TOM1L2: variants seen among roughly 807,000 people sequenced by gnomAD.
TOM1L2 encodes TOM1-like protein 2.
A neutral mutation model predicts 67.9 loss-of-function variants in TOM1L2; 31 were observed. That is an observed-to-expected ratio of 0.46 (90% confidence interval 0.34 to 0.62). TOM1L2 has a LOEUF of 0.62. Among genes scored for constraint, TOM1L2 ranks in the 20% least tolerant of loss-of-function variants. TOM1L2 has a pLI of 0.01. For synonymous variants in TOM1L2, 256 were observed against 254.0 expected (o/e 1.01, Z -0.07); for missense variants, 606 against 663.5 (o/e 0.91, Z 0.95).
At chr17:17,964,833 C>T (rs899332267) in intron 1 of TOM1L2, among the ~76,000 whole-genome samples, 12 of 152,196 alleles carry the variant, frequency 7.9e-5, no homozygotes, top group African/African-American at 1.2e-4. Context: ...CAGTGGCATT[C>T]CTCTAGAAAA....
intron 7 of TOM1L2, among the ~76,000 whole-genome samples, chr17:17,877,836 C>T (rs1265785745): frequency 1.3e-5 from 2 of 151,616 alleles, no homozygotes; most frequent in Non-Finnish European, 2.9e-5. Context: ...GAGCTGACGC[C>T]AGGAGATTAG....
intron 1 of TOM1L2, among the ~76,000 whole-genome samples, chr17:17,946,887 G>A (rs2040975074): frequency 1.3e-5 from 2 of 152,130 alleles, no homozygotes; most frequent in Non-Finnish European, 2.9e-5. Context: ...ACCACGCCTG[G>A]CTAATTTTTG....
intron 12 of TOM1L2, among the ~76,000 whole-genome samples, chr17:17,854,927 G>A (rs1392844852): frequency 6.6e-6 from 1 of 152,190 alleles, no homozygotes; most frequent in African/African-American, 2.4e-5. Flanking sequence ...GGAAGAGAGG[G>A]ACAGAAAGGA....
chr17:17,910,261 G>A (rs1460822766), intron 1 of TOM1L2, among the ~76,000 whole-genome samples: 1 of 152,188 alleles, frequency 6.6e-6, no homozygotes, highest in Admixed American at 6.5e-5. Flanking sequence ...CAGTGGCAGA[G>A]CCAGGACTAC....
chr17:17,951,600 A>G lies in TOM1L2; in HGVS notation c.52+20662T>C, dbSNP rs191361483. ...AAAATTAACTGAAGAATGGTGACCA[A>G]AGGGTTTTTAGCAAAAAACCTTTCA... On this transcript the variant is annotated intron_variant, in intron 1 of 14. Coordinates refer to ENST00000379504, the MANE Select transcript of TOM1L2 (RefSeq NM_001082968.2). Among the ~76,000 whole-genome samples, 25 of 152,350 alleles carry G rather than the reference A, an allele frequency of 1.6e-4. No homozygotes were observed. The East Asian group carries it at 4.8e-3, about 29-fold the overall frequency.
intron 4 of TOM1L2, among the ~76,000 whole-genome samples, chr17:17,890,527 T>C (rs1489919828): frequency 6.6e-6 from 1 of 151,884 alleles, no homozygotes; most frequent in Non-Finnish European, 1.5e-5. Context: ...CCATCAACAG[T>C]GGGAGGGGTA....
At chr17:17,956,468 C>CT in intron 1 of TOM1L2, among the ~76,000 whole-genome samples, 1 of 152,254 alleles carries the variant, frequency 6.6e-6, no homozygotes, top group East Asian at 1.9e-4. Flanking sequence ...ACAGGTGGAG[C>CT]TGCCTGCCAG....
chr17:17,867,062 A>G (rs927840691), intron 8 of TOM1L2, 138 bp from the exon 9 acceptor site: 16 of 770,040 alleles, frequency 2.1e-5, no homozygotes, highest in Middle Eastern at 3.4e-4. Context: ...GTGAAACCAT[A>G]TATCAACTCT....
intron 11 of TOM1L2, 80 bp downstream of exon 11, chr17:17,862,651 C>T: frequency 1.6e-6 from 2 of 1,228,200 alleles, no homozygotes; most frequent in Non-Finnish European, 2.3e-6. Context: ...AAATAAATGC[C>T]TTTTTGTGCT....
At chr17:17,947,118 A>C (rs375619853) in intron 1 of TOM1L2, among the ~76,000 whole-genome samples, 1 of 152,218 alleles carries the variant, frequency 6.6e-6, no homozygotes, top group South Asian at 2.1e-4. Context: ...CAGTAAATAC[A>C]ATCTTCAGCA....
At chr17:17,939,596 A>G (rs2040646436) in intron 1 of TOM1L2, among the ~76,000 whole-genome samples, 1 of 152,212 alleles carries the variant, frequency 6.6e-6, no homozygotes, top group Non-Finnish European at 1.5e-5. Context: ...ACAAAATCTA[A>G]TAGGTCATGA....
chr17:17,897,028 A>G (rs1403119902), intron 3 of TOM1L2, among the ~76,000 whole-genome samples: 1 of 152,212 alleles, frequency 6.6e-6, no homozygotes, highest in Non-Finnish European at 1.5e-5. Flanking sequence ...GACCTAACCC[A>G]AGGAAAGGTC....
At chr17:17,936,139 C>T (rs1037735665) in intron 1 of TOM1L2, among the ~76,000 whole-genome samples, 3 of 152,256 alleles carry the variant, frequency 2.0e-5, no homozygotes, top group African/African-American at 7.2e-5. Flanking sequence ...TCTCTCTCCA[C>T]CCTCCCTTCG....
intron 1 of TOM1L2, among the ~76,000 whole-genome samples, chr17:17,953,256 G>C (rs2041284431): frequency 6.6e-6 from 1 of 152,084 alleles, no homozygotes; most frequent in Non-Finnish European, 1.5e-5. Flanking sequence ...CTCCAGCCTG[G>C]GCAACAGAGC....
intron 3 of TOM1L2, among the ~76,000 whole-genome samples, chr17:17,895,868 C>T (rs371693801): frequency 8.5e-5 from 13 of 152,198 alleles, no homozygotes; most frequent in African/African-American, 2.7e-4. Context: ...ATCAGAGGTA[C>T]CATGTAACTT....
At chr17:17,857,203 T>C (rs1400679716) in intron 12 of TOM1L2, among the ~76,000 whole-genome samples, 2 of 152,244 alleles carry the variant, frequency 1.3e-5, no homozygotes, top group African/African-American at 4.8e-5. Flanking sequence ...TCTGCCTGCC[T>C]CAGCCTCCCA....
rs1257649716 is a variant in TOM1L2 at position 17,845,399 on chromosome 17, C to G, written c.*2236G>C. The G allele has an allele frequency of 2.6e-5, 4 of 152,234 alleles. No individual in the cohort carries two copies. The highest frequency in any genetic ancestry group is 1.3e-4 in the Admixed American group (2 of 15,292). 9.4% of individuals were successfully genotyped at this position (152,234 alleles called of 1,614,324 possible). A position where few individuals can be genotyped will look rare whatever the true frequency, so the allele number is the denominator to read the frequency against. On this transcript the variant is annotated 3_prime_UTR_variant, in exon 15 of 15. Transcript: ENST00000379504. ...CAGTTCTGGGAGTGGGTATGAAAAA[C>G]AGTTTTGCTGGGGGCTCCCCAGGAG... is the stretch of plus-strand genomic sequence containing the variant.
intron 4 of TOM1L2, among the ~76,000 whole-genome samples, chr17:17,888,526 A>C (rs1437647286): frequency 6.6e-6 from 1 of 152,174 alleles, no homozygotes; most frequent in African/African-American, 2.4e-5. Context: ...CAGACTTCCT[A>C]TTCCCAGTGA....
chr17:17,925,343 G>T (rs2040040617), intron 1 of TOM1L2, among the ~76,000 whole-genome samples: 1 of 152,060 alleles, frequency 6.6e-6, no homozygotes, highest in African/African-American at 2.4e-5. Context: ...CATGCATATG[G>T]ATAATGCCTG....
Sources: allele counts gnomAD v4.1 joint callset (sites outside exome capture counted in the v4.1 genomes callset), GRCh38; gene constraint gnomAD v4.1.1; transcripts MANE v1.5; gene names NCBI Gene and HGNC (gene_info 2026-07-23, HGNC 2026-07-21).